Variants in SNX25 observed in about 807,000 individuals in gnomAD.
The protein encoded by SNX25 is sorting nexin-25.
A neutral mutation model predicts 113.7 loss-of-function variants in SNX25; 62 were observed. The observed-to-expected ratio is 0.55, with a 90% CI of 0.44 to 0.67. SNX25 has a LOEUF of 0.67. Ranked by LOEUF, SNX25 falls within the 30% of genes least tolerant of loss-of-function variation. The pLI is 0.00. For synonymous variants in SNX25, 421 were observed against 436.2 expected (o/e 0.97, Z 0.43); for missense variants, 1,014 against 1,161.0 (o/e 0.87, Z 1.84).
rs905287300 is a variant in SNX25, at chr4:185,209,641, G to A, written c.-186G>A. The A allele has an allele frequency of 1.1e-5, 8 of 702,684 alleles. No individual in the cohort carries two copies. The highest frequency in any genetic ancestry group is 1.0e-5 in the Non-Finnish European group (6 of 571,690). 43.5% of individuals were successfully genotyped at this position (702,684 alleles called of 1,614,324 possible). On this transcript the variant is annotated 5_prime_UTR_variant, in exon 1 of 19. Coordinates refer to ENST00000652585, the MANE Select transcript of SNX25 (RefSeq NM_001378034.2). The surrounding 1 kb of genome is among the most constrained non-coding windows in gnomAD (Gnocchi z 5.2). Reference sequence around the variant, plus strand: ...CTCCCTGGCTGCGCCCGGCCCGGCAGCTACGGGCCCAGCGCCTGGTGGCGG... The same window carrying A: ...CTCCCTGGCTGCGCCCGGCCCGGCAACTACGGGCCCAGCGCCTGGTGGCGG...
Position 185,209,913 on chromosome 4 carries a change from C to T in SNX25, c.87C>T (p.Phe29=), listed in dbSNP as rs1737467459. 2 of 983,276 alleles carry T rather than the reference C, an allele frequency of 2.0e-6. No individual in the cohort carries two copies. The highest frequency in any genetic ancestry group is 2.4e-6 in the Non-Finnish European group (2 of 829,192). 60.9% of individuals were successfully genotyped at this position (983,276 alleles called of 1,614,324 possible). A position where few individuals can be genotyped will look rare whatever the true frequency, so the allele number is the denominator to read the frequency against. Residue 29 remains phenylalanine (F), a synonymous_variant, in exon 1 of 19, where the codon TTC becomes TTT. Transcript: ENST00000652585. This position sits in a 1 kb window ranked among gnomAD's most constrained non-coding sequence, Gnocchi z 5.2. Reference sequence around the variant, plus strand: ...CCGGCGGCCGTCCTGTCTCGGGCTTCAGGGGCGAGCGGCGGCCGGAGTCCC... The same window carrying T: ...CCGGCGGCCGTCCTGTCTCGGGCTTTAGGGGCGAGCGGCGGCCGGAGTCCC... The part of the protein sequence containing the change: ...AGAGGRPVSG[F]RGERRPESPG...
chr4:185,236,258 C>T (rs867621104), intron 1 of SNX25, among the ~76,000 whole-genome samples: 7 of 152,058 alleles, frequency 4.6e-5, no homozygotes, highest in African/African-American at 1.7e-4. Context: ...TAACTTTTCC[C>T]ACCACCCTGA....
upstream of SNX25, among the ~76,000 whole-genome samples, chr4:185,205,453 C>CAA (rs1161922728): frequency 3.1e-5 from 4 of 127,506 alleles, no homozygotes; most frequent in African/African-American, 1.1e-4. Context: ...GACTGTGTCT[C>CAA]AAAAAAAAAA....
chr4:185,304,153 T>A (rs956978398), intron 6 of SNX25, among the ~76,000 whole-genome samples: 1 of 152,174 alleles, frequency 6.6e-6, no homozygotes, highest in Non-Finnish European at 1.5e-5. Context: ...TGTTTACTTA[T>A]TTATATTTTA....
At chr4:185,336,617 G>C (rs548488110) in intron 10 of SNX25, among the ~76,000 whole-genome samples, 65 of 152,278 alleles carry the variant, frequency 4.3e-4, no homozygotes, top group Non-Finnish European at 7.2e-4. Context: ...TTGTGATGCT[G>C]TAAACATGGC....
intron 1 of SNX25, among the ~76,000 whole-genome samples, chr4:185,215,040 C>G (rs1738560641): frequency 6.6e-6 from 1 of 152,102 alleles, no homozygotes; most frequent in African/African-American, 2.4e-5. Context: ...ACCATCCTGG[C>G]TAACACAGTG....
intron 5 of SNX25, among the ~76,000 whole-genome samples, chr4:185,272,822 G>A (rs533886483): frequency 6.6e-6 from 1 of 152,250 alleles, no homozygotes; most frequent in Non-Finnish European, 1.5e-5. Flanking sequence ...CTTTTACCAC[G>A]TTTATTGCAA....
chr4:185,240,905 A>C (rs1743821780), intron 1 of SNX25, among the ~76,000 whole-genome samples: 1 of 149,352 alleles, frequency 6.7e-6, no homozygotes, highest in Non-Finnish European at 1.5e-5. Context: ...GGCGCTCCCC[A>C]CATCTCAGAC....
At chr4:185,329,032 G>T (rs555723258) in intron 9 of SNX25, among the ~76,000 whole-genome samples, 1 of 152,204 alleles carries the variant, frequency 6.6e-6, no homozygotes, top group Admixed American at 6.5e-5. Flanking sequence ...GGAGAGACCC[G>T]GGGAGGGTTT....
chr4:185,270,761 T>C (rs1383603527), intron 5 of SNX25, among the ~76,000 whole-genome samples: 1 of 152,244 alleles, frequency 6.6e-6, no homozygotes, highest in Non-Finnish European at 1.5e-5. Flanking sequence ...GGACATTTCA[T>C]GTAAATGGAA....
At chr4:185,300,492 A>G (rs1458147783) in intron 6 of SNX25, among the ~76,000 whole-genome samples, 5 of 151,790 alleles carry the variant, frequency 3.3e-5, no homozygotes, top group African/African-American at 1.2e-4. Context: ...TAATGATGTT[A>G]TGTAGCTTCT....
intron 14 of SNX25, among the ~76,000 whole-genome samples, chr4:185,352,471 G>A (rs78756646): frequency 2.0e-5 from 3 of 152,168 alleles, no homozygotes; most frequent in Non-Finnish European, 4.4e-5. Context: ...ATCTACCCAC[G>A]GCCCCCCAAG....
chr4:185,373,161 G>T (rs775368816), downstream of SNX25: 11 of 1,262,226 alleles, frequency 8.7e-6, no homozygotes, highest in Non-Finnish European at 1.1e-5. Context: ...AAAGAACTCT[G>T]TGTTTCCTAG....
At chr4:185,356,255 G>T (rs1330030862) in intron 15 of SNX25, among the ~76,000 whole-genome samples, 1 of 151,986 alleles carries the variant, frequency 6.6e-6, no homozygotes, top group Non-Finnish European at 1.5e-5. Context: ...AATGAGTTTT[G>T]GTTTCTGCTC....
the SNX25 span, chr4:185,377,175 A>G: frequency 2.6e-5 from 16 of 620,658 alleles, no homozygotes; most frequent in Middle Eastern, 8.6e-4. Flanking sequence ...AAGAAATATT[A>G]CCTGAAAAAA....
upstream of SNX25, chr4:185,207,864 A>G (rs184051235): frequency 5.5e-4 from 84 of 152,330 alleles, no homozygotes; most frequent in African/African-American, 1.6e-3. Flanking sequence ...GTTAGTTACT[A>G]TTATGGTGAG....
chr4:185,208,972 G>T (rs976091573), upstream of SNX25, among the ~76,000 whole-genome samples: 12 of 152,166 alleles, frequency 7.9e-5, no homozygotes, highest in Non-Finnish European at 1.0e-4. Context: ...GATAGCATTT[G>T]AACTGAATAG....
At chr4:185,257,623 C>T (rs958863723) in intron 2 of SNX25, among the ~76,000 whole-genome samples, 8 of 151,884 alleles carry the variant, frequency 5.3e-5, no homozygotes, top group Non-Finnish European at 1.0e-4. Flanking sequence ...GTGAATTTTA[C>T]CTGTTTCTTT....
chr4:185,299,930 A>G (rs1186078697), intron 6 of SNX25, among the ~76,000 whole-genome samples: 1 of 152,188 alleles, frequency 6.6e-6, no homozygotes, highest in East Asian at 1.9e-4. Flanking sequence ...TAAATAGTAC[A>G]CACTTGGGAG....
Sources: allele counts gnomAD v4.1 joint callset (sites outside exome capture counted in the v4.1 genomes callset), GRCh38; gene constraint gnomAD v4.1.1; non-coding constraint Gnocchi (gnomAD v3.1); transcripts MANE v1.5; gene names NCBI Gene and HGNC (gene_info 2026-07-23, HGNC 2026-07-21).